PRKG1: variants seen among roughly 807,000 people sequenced by gnomAD.
The protein encoded by PRKG1 is cGMP-dependent protein kinase 1.
PRKG1 carries 35 observed loss-of-function variants against 88.1 expected under a neutral mutation model. That is an observed-to-expected ratio of 0.40 (90% CI 0.30 to 0.53). PRKG1 has a LOEUF of 0.53. Among genes scored for constraint, PRKG1 ranks in the 20% least tolerant of loss-of-function variants. The probability of loss-of-function intolerance (pLI) is 0.59; values close to 1 mark genes in which losing one functional copy is unlikely to be tolerated. For synonymous variants in PRKG1, 303 were observed against 292.5 expected, an observed-to-expected ratio of 1.04 and a Z score of -0.37; for missense variants, 540 against 839.8, an observed-to-expected ratio of 0.64 and a Z score of 4.41.
At chr10:51,343,785 C>G (rs1323120032) in intron 2 of PRKG1, among the ~76,000 whole-genome samples, 1 of 152,106 alleles carries the variant, frequency 6.6e-6, no homozygotes, top group African/African-American at 2.4e-5. Flanking sequence ...GTGCCTTTCC[C>G]CAGATCACTC....
At chr10:51,201,502 A>G (rs1837912405) in intron 2 of PRKG1, among the ~76,000 whole-genome samples, 1 of 152,184 alleles carries the variant, frequency 6.6e-6, no homozygotes, top group South Asian at 2.1e-4. Flanking sequence ...TATCAAAGCC[A>G]TGTATTTTTA....
At chr10:51,904,161 T>C (rs1842037693) in intron 4 of PRKG1, among the ~76,000 whole-genome samples, 1 of 152,136 alleles carries the variant, frequency 6.6e-6, no homozygotes, top group South Asian at 2.1e-4. Context: ...TGCAAGTCCT[T>C]AGGGAACCAA....
chr10:51,652,689 A>T (rs1331136992), intron 3 of PRKG1, among the ~76,000 whole-genome samples: 1 of 152,194 alleles, frequency 6.6e-6, no homozygotes, highest in East Asian at 1.9e-4. Context: ...TTGTGGAGTG[A>T]TTAAATCAAG....
intron 1 of PRKG1, among the ~76,000 whole-genome samples, chr10:51,109,837 A>C (rs1262218059): frequency 5.3e-5 from 8 of 152,124 alleles, no homozygotes; most frequent in Non-Finnish European, 1.0e-4. Context: ...TTTGGAAATA[A>C]AGTATCTGAT....
At chr10:52,170,208 G>T (rs1052719062) in intron 9 of PRKG1, among the ~76,000 whole-genome samples, 1 of 152,048 alleles carries the variant, frequency 6.6e-6, no homozygotes, top group African/African-American at 2.4e-5. Context: ...AAGAAAGAAG[G>T]ACACTAAGAA....
chr10:52,156,508 G>T (rs1589657223), intron 8 of PRKG1, among the ~76,000 whole-genome samples: 1 of 151,806 alleles, frequency 6.6e-6, no homozygotes, highest in East Asian at 1.9e-4. Flanking sequence ...TGAATGGATG[G>T]ACTGATGGAT....
intron 2 of PRKG1, among the ~76,000 whole-genome samples, chr10:51,358,326 A>C (rs1463419658): frequency 6.6e-6 from 1 of 151,884 alleles, no homozygotes; most frequent in Admixed American, 6.6e-5. Flanking sequence ...AAACTCACAC[A>C]CTATGACTTT....
chr10:52,024,299 A>AG (rs1564434594), intron 5 of PRKG1, among the ~76,000 whole-genome samples: 2 of 130,008 alleles, frequency 1.5e-5, no homozygotes, highest in Non-Finnish European at 3.2e-5. Context: ...TTATTTATTC[A>AG]TTTATTTATT....
At chr10:51,021,341 G>A (rs769714848) in intron 1 of PRKG1, among the ~76,000 whole-genome samples, 10 of 152,100 alleles carry the variant, frequency 6.6e-5, no homozygotes, top group African/African-American at 1.9e-4. Flanking sequence ...CAAACCATAC[G>A]TCCGTAACAA....
intron 3 of PRKG1, among the ~76,000 whole-genome samples, chr10:51,680,352 G>A (rs1012257333): frequency 5.3e-5 from 8 of 151,880 alleles, no homozygotes; most frequent in Non-Finnish European, 8.8e-5. Flanking sequence ...CCCCTTGCTC[G>A]GGCCCACTCC....
chr10:51,857,676 A>AT (rs1370450549), intron 4 of PRKG1, among the ~76,000 whole-genome samples: 10 of 152,168 alleles, frequency 6.6e-5, no homozygotes, highest in Non-Finnish European at 1.5e-4. Context: ...CGGAAGGGAA[A>AT]TAAACTGCTT....
intron 9 of PRKG1, among the ~76,000 whole-genome samples, chr10:52,207,956 T>TAGTC (rs891619576): frequency 1.3e-5 from 2 of 152,176 alleles, no homozygotes; most frequent in African/African-American, 4.8e-5. Flanking sequence ...CAGCATCTAG[T>TAGTC]AGTCCTTCTT....
chr10:52,121,145 A>G (rs1564477901), intron 7 of PRKG1, among the ~76,000 whole-genome samples: 1 of 152,148 alleles, frequency 6.6e-6, no homozygotes, highest in African/African-American at 2.4e-5. Context: ...ATGAAGAAAC[A>G]GAGGTGTCCT....
chr10:51,901,660 A>C (rs1350587816), intron 4 of PRKG1, among the ~76,000 whole-genome samples: 1 of 152,216 alleles, frequency 6.6e-6, no homozygotes, highest in Non-Finnish European at 1.5e-5. Flanking sequence ...AAAATGCATC[A>C]TGTCTACATT....
chr10:51,855,197 T>G (rs1840649599), intron 4 of PRKG1, among the ~76,000 whole-genome samples: 1 of 152,184 alleles, frequency 6.6e-6, no homozygotes, highest in African/African-American at 2.4e-5. Flanking sequence ...CCTGCTGTAC[T>G]CTCTATCTTT....
At position 51,077,795 on chromosome 10, in the gene PRKG1, A is replaced by T. The variant is rs10995563; in HGVS notation, c.311+2894A>T. 7.2e-5 allele frequency among the ~76,000 whole-genome samples: 11 copies of T among 152,320 alleles called. No individual in the cohort carries two copies. In the East Asian group the frequency reaches 2.1e-3, roughly 29 times the overall value. ...GGAAAGAACTGATGTAGCAAATTGG[A>T]ATCTGTATTCCACTGCTACCAAATA... On this transcript the variant is annotated intron_variant, in intron 1 of 17. Coordinates refer to ENST00000373980, the MANE Select transcript of PRKG1 (RefSeq NM_006258.4).
chr10:51,494,972 A>C (rs764616855), intron 3 of PRKG1, among the ~76,000 whole-genome samples: 5 of 152,108 alleles, frequency 3.3e-5, no homozygotes, highest in Admixed American at 6.6e-5. Context: ...TGTATTGCCC[A>C]TTTTTGCTGA....
chr10:52,270,092 G>T (rs942332575), intron 10 of PRKG1, among the ~76,000 whole-genome samples: 1 of 152,052 alleles, frequency 6.6e-6, no homozygotes, highest in Non-Finnish European at 1.5e-5. Context: ...TCTTTAAACT[G>T]TAGGGAGGGA....
chr10:52,258,560 G>A (rs1374477591), intron 10 of PRKG1, among the ~76,000 whole-genome samples: 2 of 151,928 alleles, frequency 1.3e-5, no homozygotes, highest in East Asian at 3.9e-4. Context: ...CTTAGTCATT[G>A]AAAGAGCTGT....
Sources: gnomAD v4.1 joint callset for allele counts (sites outside exome capture counted in the v4.1 genomes callset) on GRCh38, gnomAD v4.1.1 for gene constraint, MANE v1.5 for transcripts, NCBI Gene and HGNC (gene_info 2026-07-23, HGNC 2026-07-21) for gene names.